CTSO: variants seen among roughly 807,000 people sequenced by gnomAD.
CTSO encodes cathepsin O.
CTSO carries 40 observed loss-of-function variants against 42.4 expected under a neutral mutation model. That is an observed-to-expected ratio of 0.94 (90% CI 0.73 to 1.23). CTSO has a LOEUF of 1.23. Ranked by LOEUF, CTSO falls within the 50% of genes most tolerant of loss-of-function variation. The pLI is 0.00. For missense variants in CTSO, 441 were observed against 396.0 expected, an observed-to-expected ratio of 1.11 and a Z score of -0.96; for synonymous variants, 156 against 146.2, an observed-to-expected ratio of 1.07 and a Z score of -0.48.
intron 1 of CTSO, among the ~76,000 whole-genome samples, chr4:155,946,889 G>T (rs576418718): frequency 1.1e-4 from 17 of 152,190 alleles, no homozygotes; most frequent in Admixed American, 1.0e-3. Context: ...GCGGATTCTC[G>T]CTCTGTCGCC....
At chr4:155,949,921 G>A (rs138808144) in intron 1 of CTSO, among the ~76,000 whole-genome samples, 2 of 152,230 alleles carry the variant, frequency 1.3e-5, no homozygotes, top group East Asian at 3.9e-4. Context: ...GAAGAGGAAG[G>A]TCCCCCACAA....
intron 1 of CTSO, 150 bp downstream of exon 1, chr4:155,953,563 T>C (rs1481794313): frequency 1.0e-6 from 1 of 990,520 alleles, no homozygotes; most frequent in African/African-American, 1.7e-5. Flanking sequence ...AAGCTGGCTT[T>C]TGCACCCGCA....
rs1291231780 is a variant in CTSO, at chr4:155,929,677, G to C, written c.703C>G (p.Leu235Val). ...SDQEDEMAKA[L>V]LTFGPLVVIV... ...ACTACCAAAGGGCCAAAGGTAAGAA[G>C]TGCTTTTGCCATTTCATCTTCTTGG... The change falls in exon 6 of 8, where the codon CTT becomes GTT. Residue 235 changes from leucine to valine, a missense_variant. Physicochemically the swap from Leu to Val is conservative, Grantham distance 32. Coordinates refer to ENST00000433477, the MANE Select transcript of CTSO (RefSeq NM_001334.3). 6.2e-7 allele frequency: 1 copy of C among 1,612,172 alleles called. No individual in the cohort carries two copies. Among genetic ancestry groups the C allele is most frequent in the South Asian group, 1.1e-5 (1 of 90,544 alleles).
intron 7 of CTSO, 100 bp downstream of exon 7, chr4:155,928,233 AATT>A (rs1295038865): frequency 1.1e-5 from 8 of 745,532 alleles, no homozygotes; most frequent in Admixed American, 1.0e-4. Context: ...AAAGGACAAA[AATT>A]ATTACTGCTA....
intron 4 of CTSO, among the ~76,000 whole-genome samples, chr4:155,938,559 G>C (rs1044810938): frequency 2.0e-5 from 3 of 152,114 alleles, no homozygotes; most frequent in African/African-American, 7.2e-5. Flanking sequence ...GCTGGGGACT[G>C]AAGGTACAAC....
chr4:155,939,688 G>T, intron 3 of CTSO, 150 bp from the exon 4 acceptor site: 1 of 566,930 alleles, frequency 1.8e-6, no homozygotes. Context: ...TTTTTAAACT[G>T]AAAAAAAGAG....
chr4:155,951,123 T>C (rs1560792196), intron 1 of CTSO, among the ~76,000 whole-genome samples: 1 of 152,164 alleles, frequency 6.6e-6, no homozygotes, highest in Non-Finnish European at 1.5e-5. Context: ...TATAATAATA[T>C]AACCTGTGTC....
intron 1 of CTSO, among the ~76,000 whole-genome samples, chr4:155,948,847 T>G (rs1579349826): frequency 6.6e-6 from 1 of 152,140 alleles, no homozygotes; most frequent in East Asian, 1.9e-4. Flanking sequence ...AATCAAAGAG[T>G]AGAAACCCAA....
intron 4 of CTSO, among the ~76,000 whole-genome samples, chr4:155,939,001 G>A (rs1013838634): frequency 2.6e-5 from 4 of 151,718 alleles, no homozygotes; most frequent in Non-Finnish European, 4.4e-5. Flanking sequence ...AGTCTCTAAT[G>A]TTCCTTTTAA....
At chr4:155,928,996 G>A (rs929775577) in intron 6 of CTSO, among the ~76,000 whole-genome samples, 1 of 152,116 alleles carries the variant, frequency 6.6e-6, no homozygotes, top group Admixed American at 6.6e-5. Context: ...GGAAGGTTGT[G>A]GGTTTACCGG....
In CTSO at chr4:155,928,405, G is replaced by A. The variant is rs773065737; in HGVS notation, c.862C>T (p.Arg288Trp). The change falls in exon 7 of 8, where the codon CGG (arginine) becomes TGG (tryptophan). Residue 288 changes from arginine (R) to tryptophan (W), a missense_variant. Transcript: ENST00000433477. ...KTGSTPYWIVRNSWGSSWGVD... is the reference protein window; with the variant it reads ...KTGSTPYWIVWNSWGSSWGVD... ...CCCCAAGAACTTCCCCAGGAATTCC[G>A]CACAATCCAATATGGAGTGCTTCCT... The A allele has an allele frequency of 4.2e-5, 67 of 1,612,034 alleles. No individual in the cohort carries two copies. The highest frequency in any genetic ancestry group is 8.4e-5 in the Admixed American group (5 of 59,864).
At chr4:155,935,895 T>C (rs1440353005) in intron 5 of CTSO, among the ~76,000 whole-genome samples, 2 of 152,218 alleles carry the variant, frequency 1.3e-5, no homozygotes, top group Non-Finnish European at 2.9e-5. Context: ...TTGGGACCTC[T>C]TCCTTCCTAA....
chr4:155,946,127 CTATT>C (rs1346583240), intron 1 of CTSO, among the ~76,000 whole-genome samples: 13 of 152,294 alleles, frequency 8.5e-5, no homozygotes, highest in Non-Finnish European at 1.6e-4. Context: ...GCCACATACT[CTATT>C]TAGTTGGAGA....
Position 155,953,767 on chromosome 4 carries a change from G to A in CTSO, c.81C>T (p.Ala27=), listed in dbSNP as rs924390594. Residue 27 remains alanine, a synonymous_variant, in exon 1 of 8, where the codon GCC becomes GCT. Transcript: ENST00000433477. ...TCCGCGGCCAGGTCGGGGTGAAGGG[G>A]GCGCGGGAGTCCGCATCGCCGCCGC... ...CRGGGDADSR[A]PFTPTWPRSR... The A allele has an allele frequency of 4.5e-6, 6 of 1,335,128 alleles. No homozygotes were observed. Among genetic ancestry groups the A allele is most frequent in the Non-Finnish European group, 5.8e-6 (6 of 1,040,242 alleles). 82.7% of individuals were successfully genotyped at this position (1,335,128 alleles called of 1,614,324 possible).
In CTSO at chr4:155,925,967, G is replaced by A. The variant is rs1743121580; in HGVS notation, c.*69C>T. 1 of 1,285,980 alleles carries A rather than the reference G, an allele frequency of 7.8e-7. No homozygotes were observed. The highest frequency in any genetic ancestry group is 2.0e-5 in the Admixed American group (1 of 50,918). 79.7% of individuals were successfully genotyped at this position (1,285,980 alleles called of 1,614,324 possible). On this transcript the variant is annotated 3_prime_UTR_variant, in exon 8 of 8. Transcript: ENST00000433477. ...GAAACTTGAAGTTGAATAATACTTT[G>A]AAGTACTATGTTACATTGCATTATG...
At chr4:155,950,129 T>A (rs184938626) in intron 1 of CTSO, among the ~76,000 whole-genome samples, 3 of 152,202 alleles carry the variant, frequency 2.0e-5, no homozygotes, top group Non-Finnish European at 4.4e-5. Flanking sequence ...TGATAAGAAA[T>A]GTGTAGTCAG....
intron 7 of CTSO, among the ~76,000 whole-genome samples, chr4:155,928,001 T>A (rs910451878): frequency 9.2e-5 from 14 of 152,126 alleles, no homozygotes; most frequent in Non-Finnish European, 2.1e-4. Context: ...AGTTATGAAA[T>A]GTAAATTTGG....
intron 5 of CTSO, 103 bp from the exon 6 acceptor site, chr4:155,929,808 T>A: frequency 9.1e-7 from 1 of 1,099,128 alleles, no homozygotes; most frequent in Non-Finnish European, 1.3e-6. Flanking sequence ...TTGGTTGCAG[T>A]TACAAAGGAC....
At chr4:155,947,588 A>G (rs1743571923) in intron 1 of CTSO, among the ~76,000 whole-genome samples, 1 of 152,210 alleles carries the variant, frequency 6.6e-6, no homozygotes, top group Non-Finnish European at 1.5e-5. Flanking sequence ...CTATACACTT[A>G]TCAAGTTCAC....
Sources: allele counts gnomAD v4.1 joint callset (sites outside exome capture counted in the v4.1 genomes callset), GRCh38; gene constraint gnomAD v4.1.1; transcripts MANE v1.5; gene names NCBI Gene and HGNC (gene_info 2026-07-23, HGNC 2026-07-21).